The following DLGAP1 variants were observed in gnomAD, a reference collection of about 807,000 sequenced individuals.
DLGAP1 encodes disks large-associated protein 1.
A neutral mutation model predicts 90.8 loss-of-function variants in DLGAP1; 11 were observed. The ratio of observed to expected loss-of-function variants is 0.12; its 90% CI spans 0.08 to 0.20. The LOEUF (loss-of-function observed/expected upper bound fraction) is 0.20. Ranked by LOEUF, DLGAP1 falls within the 10% of genes least tolerant of loss-of-function variation. The pLI, the probability that DLGAP1 is intolerant of heterozygous loss-of-function variation, is 1.00. For missense variants in DLGAP1, 1,050 were observed against 1,333.8 expected (o/e 0.79, Z 3.31); for synonymous variants, 558 against 540.7 (o/e 1.03, Z -0.44).
intron 3 of DLGAP1, among the ~76,000 whole-genome samples, chr18:3,963,675 GGATT>G (rs916469682): frequency 3.4e-4 from 50 of 149,212 alleles, no homozygotes; most frequent in African/African-American, 1.1e-3. Context: ...GTGTGATTAT[GGATT>G]GATTCTTTGT....
In DLGAP1 at chr18:4,383,950, A is replaced by T. The variant is rs909311548; in HGVS notation, c.-267+71056T>A. On this transcript the variant is annotated intron_variant, in intron 1 of 12. Coordinates refer to ENST00000315677, the MANE Select transcript of DLGAP1 (RefSeq NM_004746.4). This position sits in a 1 kb window ranked among gnomAD's most constrained non-coding sequence, Gnocchi z 4.0. ...AAAGATTAGTGTAAAACACCCTTTC[A>T]CTCTGCTAATAAGATGTACAAAAGT... Among the ~76,000 whole-genome samples, 1 of 152,080 alleles carries T rather than the reference A, an allele frequency of 6.6e-6. No homozygotes were observed. Among genetic ancestry groups the T allele is most frequent in the Non-Finnish European group, 1.5e-5 (1 of 67,988 alleles).
At chr18:3,950,886 G>C (rs2072971812) in intron 3 of DLGAP1, among the ~76,000 whole-genome samples, 1 of 152,178 alleles carries the variant, frequency 6.6e-6, no homozygotes, top group East Asian at 1.9e-4. Context: ...AAAAAATATA[G>C]GTATTGATAT....
chr18:3,812,390 C>A (rs754380560), intron 5 of DLGAP1, among the ~76,000 whole-genome samples: 84 of 147,256 alleles, frequency 5.7e-4, no homozygotes, highest in Non-Finnish European at 7.1e-4. Flanking sequence ...TTTTTTTTTA[C>A]CTTGTGTGGC....
At position 3,875,566 on chromosome 18, in the gene DLGAP1, G is replaced by T. The variant is rs140944446; in HGVS notation, c.957+3546C>A. 7.9e-4 allele frequency among the ~76,000 whole-genome samples: 120 copies of T among 152,276 alleles called. 1 individual carries two copies. Among genetic ancestry groups the T allele is most frequent in the African/African-American group, 2.8e-3 (116 of 41,562 alleles). ...GCAGACAAATCAGTTTTGACCCAAC[G>T]TGTTGCCACATACTAGCTGTGTGTC... is the stretch of plus-strand genomic sequence containing the variant. On this transcript the variant is annotated intron_variant, in intron 4 of 12. Transcript: ENST00000315677.
In DLGAP1 at chr18:4,331,536, G is replaced by A. The variant is rs1480574001; in HGVS notation, c.-267+123470C>T. 5.3e-5 allele frequency among the ~76,000 whole-genome samples: 8 copies of A among 151,660 alleles called. 1 individual carries two copies. Among genetic ancestry groups the A allele is most frequent in the African/African-American group, 1.9e-4 (8 of 41,074 alleles). On this transcript the variant is annotated intron_variant, in intron 1 of 12. Coordinates refer to ENST00000315677, the MANE Select transcript of DLGAP1 (RefSeq NM_004746.4). The stretch of plus-strand genomic sequence containing the variant: ...CACCTTCATGCCATTTCTTGTACCA[G>A]CAGCAAGGATGATCTTAAATACATG...
At chr18:3,651,666 C>T (rs964218599) in intron 7 of DLGAP1, among the ~76,000 whole-genome samples, 5 of 151,268 alleles carry the variant, frequency 3.3e-5, no homozygotes, top group Admixed American at 1.3e-4. Flanking sequence ...CAGTGGTTCA[C>T]GCCTGTAATC....
Position 4,342,485 on chromosome 18 carries a change from A to G in DLGAP1, c.-267+112521T>C, listed in dbSNP as rs2081212481. On this transcript the variant is annotated intron_variant, in intron 1 of 12. Coordinates refer to ENST00000315677, the MANE Select transcript of DLGAP1 (RefSeq NM_004746.4). The surrounding 1 kb of genome is among the most constrained non-coding windows in gnomAD (Gnocchi z 5.8). ...TAAATAAGAGCCATTTCTAACTTTG[A>G]TCAAATGGCCTAATGTTACCTCATT... Among the ~76,000 whole-genome samples the G allele has an allele frequency of 6.6e-6, 1 of 152,194 alleles. No homozygotes were observed. The highest frequency in any genetic ancestry group is 1.5e-5 in the Non-Finnish European group (1 of 68,032).
intron 9 of DLGAP1, among the ~76,000 whole-genome samples, chr18:3,549,013 C>T (rs1291018573): frequency 6.6e-6 from 1 of 152,026 alleles, no homozygotes; most frequent in Non-Finnish European, 1.5e-5. Flanking sequence ...CACTCCAGCC[C>T]GGGCGACAGG....
intron 7 of DLGAP1, among the ~76,000 whole-genome samples, chr18:3,648,324 C>T (rs79764502): frequency 0.017 from 2,613 of 152,204 alleles, 72 homozygotes; most frequent in East Asian, 0.12. Flanking sequence ...TCAACAAAAC[C>T]GTTGTATATA....
intron 9 of DLGAP1, among the ~76,000 whole-genome samples, chr18:3,542,000 A>G (rs1163340307): frequency 6.6e-6 from 1 of 152,126 alleles, no homozygotes; most frequent in Non-Finnish European, 1.5e-5. Flanking sequence ...GCTTTCCTTC[A>G]ACACCTCTGA....
chr18:3,701,793 T>C (rs190730087), intron 7 of DLGAP1, among the ~76,000 whole-genome samples: 2 of 152,224 alleles, frequency 1.3e-5, no homozygotes, highest in East Asian at 1.9e-4. Context: ...CTAGGATGAA[T>C]TGAGGTAATT....
intron 9 of DLGAP1, among the ~76,000 whole-genome samples, chr18:3,549,325 T>TTC (rs1053579088): frequency 1.4e-5 from 2 of 146,864 alleles, no homozygotes; most frequent in Admixed American, 6.8e-5. Flanking sequence ...ATTCCTCACT[T>TTC]TCTCTCTCTC....
rs560734115 is a variant in DLGAP1 at position 4,194,045 on chromosome 18, T to C, written c.-266-42758A>G. On this transcript the variant is annotated intron_variant, in intron 1 of 12. Coordinates refer to ENST00000315677, the MANE Select transcript of DLGAP1 (RefSeq NM_004746.4). Reference sequence around the variant, plus strand: ...ATGTGCAGGTTTGTTACTCATCCTGTAACCCCAACTGTTATATGTATATTG... The same window carrying C: ...ATGTGCAGGTTTGTTACTCATCCTGCAACCCCAACTGTTATATGTATATTG... Among the ~76,000 whole-genome samples, 35 of 152,306 alleles carry C rather than the reference T, an allele frequency of 2.3e-4. 1 individual carries two copies. The highest frequency in any genetic ancestry group is 5.2e-4 in the Admixed American group (8 of 15,294).
intron 3 of DLGAP1, among the ~76,000 whole-genome samples, chr18:4,004,805 T>C (rs1378174935): frequency 1.3e-5 from 2 of 152,186 alleles, no homozygotes; most frequent in African/African-American, 2.4e-5. Context: ...TGATTTCTGA[T>C]AAATTATTGT....
At chr18:4,188,440 T>C (rs1341824425) in intron 1 of DLGAP1, among the ~76,000 whole-genome samples, 1 of 152,096 alleles carries the variant, frequency 6.6e-6, no homozygotes, top group Non-Finnish European at 1.5e-5. Flanking sequence ...GCATTAGGTA[T>C]TTGTCCTAAT....
At chr18:4,434,389 T>G (rs1598415047) in intron 1 of DLGAP1, among the ~76,000 whole-genome samples, 1 of 152,134 alleles carries the variant, frequency 6.6e-6, no homozygotes, top group South Asian at 2.1e-4. Flanking sequence ...CCTTGCCTTA[T>G]TTTTTAGGTT....
intron 1 of DLGAP1, among the ~76,000 whole-genome samples, chr18:4,253,052 C>T (rs1248634350): frequency 1.3e-5 from 2 of 152,210 alleles, no homozygotes; most frequent in Non-Finnish European, 2.9e-5. Flanking sequence ...CAGGCAATTG[C>T]TGCAGTATGC....
At chr18:3,691,106 C>T (rs371950716) in intron 7 of DLGAP1, among the ~76,000 whole-genome samples, 9 of 152,198 alleles carry the variant, frequency 5.9e-5, no homozygotes, top group African/African-American at 1.9e-4. Context: ...AGGTGATTTC[C>T]GTAGTTGATA....
rs1206707243 is a variant in DLGAP1, at chr18:3,711,628, C to T, written c.1591+17507G>A. On this transcript the variant is annotated intron_variant, in intron 7 of 12. Coordinates refer to ENST00000315677, the MANE Select transcript of DLGAP1 (RefSeq NM_004746.4). The surrounding 1 kb of genome is among the most constrained non-coding windows in gnomAD (Gnocchi z 4.0). ...CTGAGGCAGGAGGATCACTTGAGCC[C>T]AGGAGTCTGAGACCAGCCTGGGCAA... Among the ~76,000 whole-genome samples the T allele has an allele frequency of 6.6e-6, 1 of 152,042 alleles. No individual in the cohort carries two copies. The highest frequency in any genetic ancestry group is 2.4e-5 in the African/African-American group (1 of 41,398).
Sources: gnomAD v4.1 joint callset for allele counts (sites outside exome capture counted in the v4.1 genomes callset) on GRCh38, gnomAD v4.1.1 for gene constraint, Gnocchi (gnomAD v3.1) non-coding constraint, MANE v1.5 for transcripts, NCBI Gene and HGNC (gene_info 2026-07-23, HGNC 2026-07-21) for gene names.